CXADR: variants seen among roughly 807,000 people sequenced by gnomAD.
CXADR encodes coxsackievirus and adenovirus receptor.
A neutral mutation model predicts 40.3 loss-of-function variants in CXADR; 20 were observed. The ratio of observed to expected loss-of-function variants is 0.50; its 90% CI spans 0.35 to 0.72. CXADR has a LOEUF of 0.72. CXADR is among the 30% of genes least tolerant of loss of function. CXADR has a pLI of 0.01. For synonymous variants in CXADR, 150 were observed against 161.3 expected, an observed-to-expected ratio of 0.93 and a Z score of 0.53; for missense variants, 332 against 449.1, an observed-to-expected ratio of 0.74 and a Z score of 2.36.
In CXADR at chr21:17,585,961, AAAG is replaced by A. The variant is rs1354619426; in HGVS notation, c.1018-7187_1018-7185del. Reference sequence around the variant, plus strand: ...AGTTTTTACATGTAGACCCATAGGAAAAGAAGTGATTTAAGCTATAACCACTAA... The same window carrying A: ...AGTTTTTACATGTAGACCCATAGGAAAAGTGATTTAAGCTATAACCACTAA... On this transcript the variant is annotated intron_variant, in intron 7 of 7. Coordinates refer to the CXADR transcript ENST00000400169. Among the ~76,000 whole-genome samples, 18 of 152,376 alleles carry A rather than the reference AAAG, an allele frequency of 1.2e-4. No homozygotes were observed. The South Asian group carries it at 2.5e-3, about 21-fold the overall frequency.
chr21:17,551,621 T>C, intron 2 of CXADR, 128 bp from the exon 3 acceptor site: 1 of 722,180 alleles, frequency 1.4e-6, no homozygotes, highest in South Asian at 2.0e-5. Context: ...CCCATAATAC[T>C]GTGTTCTTCT....
At chr21:17,589,075 C>A (rs1242728886) in intron 7 of CXADR, among the ~76,000 whole-genome samples, 1 of 151,722 alleles carries the variant, frequency 6.6e-6, no homozygotes, top group Non-Finnish European at 1.5e-5. Context: ...CCCTCTACTC[C>A]CTAATACTTT....
At chr21:17,580,650 T>C (rs2061353828) in intron 7 of CXADR, among the ~76,000 whole-genome samples, 1 of 152,156 alleles carries the variant, frequency 6.6e-6, no homozygotes, top group South Asian at 2.1e-4. Flanking sequence ...GTCTAAACCA[T>C]AGGTTTAGTG....
chr21:17,604,800 A>T, the CXADR span: 1 of 1,564,792 alleles, frequency 6.4e-7, no homozygotes, highest in Non-Finnish European at 8.7e-7. Context: ...TACATGACAG[A>T]ATGTCATAAA....
At chr21:17,615,977 G>T in the CXADR span, among the ~76,000 whole-genome samples, 1 of 152,166 alleles carries the variant, frequency 6.6e-6, no homozygotes, top group African/African-American at 2.4e-5. Flanking sequence ...TCGGCGGGTC[G>T]TGGTGGCTCA....
intron 1 of CXADR, among the ~76,000 whole-genome samples, chr21:17,513,835 T>C (rs2060424158): frequency 6.6e-6 from 1 of 152,198 alleles, no homozygotes. Context: ...GTAGCATTGG[T>C]TTCTGCAGTC....
At chr21:17,630,838 G>A in the CXADR span, among the ~76,000 whole-genome samples, 1 of 151,908 alleles carries the variant, frequency 6.6e-6, no homozygotes, top group African/African-American at 2.4e-5. Flanking sequence ...TAAGTCAAAG[G>A]TAATTATGGG....
intron 1 of CXADR, among the ~76,000 whole-genome samples, chr21:17,526,085 C>T (rs1395892557): frequency 1.3e-5 from 2 of 152,188 alleles, no homozygotes; most frequent in African/African-American, 4.8e-5. Flanking sequence ...CAGTGTTTGA[C>T]CTACAGCACA....
intron 7 of CXADR, among the ~76,000 whole-genome samples, chr21:17,583,264 A>C (rs2061373153): frequency 6.6e-6 from 1 of 152,072 alleles, no homozygotes; most frequent in Non-Finnish European, 1.5e-5. Context: ...TTATGAATGT[A>C]TGTATATATA....
downstream of CXADR, among the ~76,000 whole-genome samples, chr21:17,574,169 C>T (rs1262516715): frequency 1.3e-5 from 2 of 152,160 alleles, no homozygotes; most frequent in Admixed American, 6.5e-5. Context: ...ACCCGTATTT[C>T]CCAGTTTCTG....
chr21:17,517,496 G>A (rs916148970), intron 1 of CXADR, among the ~76,000 whole-genome samples: 14 of 152,158 alleles, frequency 9.2e-5, no homozygotes, highest in African/African-American at 3.4e-4. Flanking sequence ...GATGAGTCTG[G>A]CCTATTTTCT....
At chr21:17,606,088 CATA>C in the CXADR span, among the ~76,000 whole-genome samples, 167 of 152,234 alleles carry the variant, frequency 1.1e-3, no homozygotes, top group Admixed American at 2.9e-3. Context: ...AGTGTTTCTA[CATA>C]ATAATATTAA....
At chr21:17,519,944 G>A (rs2060508312) in intron 1 of CXADR, among the ~76,000 whole-genome samples, 2 of 151,998 alleles carry the variant, frequency 1.3e-5, no homozygotes, top group Admixed American at 6.6e-5. Context: ...GGGTGACAGA[G>A]CGAGACTCCA....
At chr21:17,513,231 C>G in intron 1 of CXADR, 59 bp downstream of exon 1, 2 of 1,328,966 alleles carry the variant, frequency 1.5e-6, no homozygotes, top group South Asian at 2.2e-5. Context: ...TCGCTGCCCG[C>G]GGCCACCCAG....
chr21:17,551,904 G>GA lies in CXADR; in HGVS notation c.372dup (p.Ala125SerfsTer7). 6.2e-7 allele frequency: 1 copy of GA among 1,613,792 alleles called. No homozygotes were observed. Among genetic ancestry groups the GA allele is most frequent in the African/African-American group, 1.3e-5 (1 of 75,024 alleles). ...ATATTGGCACATATCAGTGCAAAGT[G>GA]AAAAAAGCTCCTGGTGTTGCAAATA... On this transcript the variant is annotated frameshift_variant, in exon 3 of 7. Transcript: ENST00000284878. LOFTEE classifies it high-confidence loss of function.
At chr21:17,598,138 CTA>C (rs1401309605), downstream of CXADR, among the ~76,000 whole-genome samples, 1 of 151,996 alleles carries the variant, frequency 6.6e-6, no homozygotes, top group African/African-American at 2.4e-5. Context: ...GGCACACTAG[CTA>C]TATGACTTTT....
chr21:17,585,493 G>C (rs1452371682), intron 7 of CXADR, among the ~76,000 whole-genome samples: 1 of 151,836 alleles, frequency 6.6e-6, no homozygotes, highest in African/African-American at 2.4e-5. Flanking sequence ...CGATTCCAAT[G>C]ATCTGTCTTT....
intron 7 of CXADR, among the ~76,000 whole-genome samples, chr21:17,591,645 A>G (rs1201012801): frequency 6.6e-6 from 1 of 151,978 alleles, no homozygotes; most frequent in East Asian, 1.9e-4. Flanking sequence ...TAAAATTTAG[A>G]GCTTTGCAGT....
chr21:17,633,375 G>C, the CXADR span, among the ~76,000 whole-genome samples: 1 of 152,166 alleles, frequency 6.6e-6, no homozygotes, highest in Non-Finnish European at 1.5e-5. Context: ...GACCAGCCTG[G>C]GCAATATAGT....
Sources: gnomAD v4.1 joint callset for allele counts (sites outside exome capture counted in the v4.1 genomes callset) on GRCh38, gnomAD v4.1.1 for gene constraint, MANE v1.5 for transcripts, NCBI Gene and HGNC (gene_info 2026-07-23, HGNC 2026-07-21) for gene names.